Variants in DIAPH1 observed in about 807,000 individuals in gnomAD.
DIAPH1 encodes the protein protein diaphanous homolog 1.
Under a neutral mutation model 140.7 loss-of-function variants are expected in DIAPH1, and 46 were observed. The observed-to-expected ratio is 0.33, with a 90% confidence interval of 0.26 to 0.42. The LOEUF is 0.42. DIAPH1 is among the 10% of genes least tolerant of loss of function. The pLI is 1.00. For missense variants in DIAPH1, 1,310 were observed against 1,558.7 expected (o/e 0.84, Z 2.69); for synonymous variants, 565 against 551.6 (o/e 1.02, Z -0.34).
At chr5:141,533,639 G>A (rs755392140) in intron 19 of DIAPH1, among the ~76,000 whole-genome samples, 22 of 152,232 alleles carry the variant, frequency 1.4e-4, no homozygotes, top group Non-Finnish European at 2.5e-4. Flanking sequence ...TTGAGGCCAG[G>A]AGCTTAAGAC....
chr5:141,575,505 C>T (rs752311802), intron 14 of DIAPH1, among the ~76,000 whole-genome samples: 5 of 151,952 alleles, frequency 3.3e-5, no homozygotes, highest in African/African-American at 9.7e-5. Flanking sequence ...AAAAATTAGC[C>T]GGGCATGGTG....
At chr5:141,571,576 T>C in intron 17 of DIAPH1, 140 bp from the exon 18 acceptor site, 1 of 749,964 alleles carries the variant, frequency 1.3e-6, no homozygotes, top group Non-Finnish European at 2.2e-6. Context: ...TTCCAACCCT[T>C]ATTAATTATG....
At chr5:141,595,951 A>T (rs2099899249) in intron 1 of DIAPH1, among the ~76,000 whole-genome samples, 1 of 152,214 alleles carries the variant, frequency 6.6e-6, no homozygotes, top group African/African-American at 2.4e-5. Context: ...TGGGAGGCTG[A>T]GGCAGGTAGA....
At position 141,516,983 on chromosome 5, in the gene DIAPH1, G is replaced by T; in HGVS notation, c.3687C>A (p.Val1229=). The T allele has an allele frequency of 1.2e-6, 2 of 1,614,236 alleles. No individual in the cohort carries two copies. The highest frequency in any genetic ancestry group is 2.2e-5 in the South Asian group (2 of 91,074). ...RQANRKAGCA[V]TSLLASELTK... ...TCAGCTCCGAAGCTAGCAGAGATGT[G>T]ACTGCACACCCGGCCTTCCTGTTGG... is the stretch of plus-strand genomic sequence containing the variant. Residue 1229 remains valine (V), a synonymous_variant, in exon 28 of 28, where the codon GTC becomes GTA. Coordinates refer to ENST00000389054, the MANE Select transcript of DIAPH1 (RefSeq NM_005219.5).
In DIAPH1 at chr5:141,588,137, A is replaced by G. The variant is rs373158991; in HGVS notation, c.144+87T>C. On this transcript the variant is annotated intron_variant, in intron 2 of 27. Transcript: ENST00000389054. The stretch of plus-strand genomic sequence containing the variant: ...AGAAGCCATATCACCACTATAAGTT[A>G]CAGAAAGTCAAAGTTATGAAAACTG... The G allele has an allele frequency of 1.0e-3, 1,118 of 1,105,282 alleles. 9 individuals are homozygous for G. The highest frequency in any genetic ancestry group is 2.2e-4 in the Non-Finnish European group (159 of 720,812). The allele number at this position is 1,105,282 out of a possible 1,614,324, so 68.5% of individuals were successfully genotyped here. A position where few individuals can be genotyped will look rare whatever the true frequency, so the allele number is the denominator to read the frequency against.
At chr5:141,611,101 AAAAAGAAAAG>A (rs558835627) in intron 1 of DIAPH1, among the ~76,000 whole-genome samples, 2 of 151,858 alleles carry the variant, frequency 1.3e-5, no homozygotes, top group Admixed American at 1.3e-4. Context: ...AAAAAAAGAA[AAAAAGAAAAG>A]AAAAGAAAAG....
intron 1 of DIAPH1, among the ~76,000 whole-genome samples, chr5:141,598,380 G>T (rs1428145713): frequency 6.6e-6 from 1 of 152,170 alleles, no homozygotes; most frequent in Non-Finnish European, 1.5e-5. Context: ...AGAATTGCAT[G>T]TATTAAAATG....
intron 1 of DIAPH1, among the ~76,000 whole-genome samples, chr5:141,592,811 A>G (rs2099898704): frequency 6.6e-6 from 1 of 152,234 alleles, no homozygotes; most frequent in Non-Finnish European, 1.5e-5. Context: ...TGAAGGAAGC[A>G]TAAATACAGA....
In DIAPH1 at chr5:141,515,178, G is replaced by GAT. The variant is rs2099885489; in HGVS notation, c.*1672_*1673insAT. 3 of 152,376 alleles carry GAT rather than the reference G, an allele frequency of 2.0e-5. No individual in the cohort carries two copies. Among genetic ancestry groups the GAT allele is most frequent in the Admixed American group, 6.6e-5 (1 of 15,262 alleles). 9.4% of individuals were successfully genotyped at this position (152,376 alleles called of 1,614,324 possible). A position where few individuals can be genotyped will look rare whatever the true frequency, so the allele number is the denominator to read the frequency against. ...TTTTATTAAATGCATCTTAGCAAAA[G>GAT]TAGATTAAAAAAGAAAGGGTCAAAG... On this transcript the variant is annotated 3_prime_UTR_variant, in exon 28 of 28. Transcript: ENST00000389054.
chr5:141,616,837 C>A (rs1180532245), intron 1 of DIAPH1, among the ~76,000 whole-genome samples: 2 of 152,200 alleles, frequency 1.3e-5, no homozygotes, highest in African/African-American at 4.8e-5. Context: ...TCAGCTCCAT[C>A]CTCTCTAAAG....
intron 18 of DIAPH1, among the ~76,000 whole-genome samples, chr5:141,557,057 A>G (rs959741775): frequency 6.6e-5 from 10 of 152,260 alleles, no homozygotes; most frequent in East Asian, 1.9e-4. Context: ...AAAAAAGAGC[A>G]TAAGAGAGAA....
At chr5:141,618,695 G>A (rs1750744585) in intron 1 of DIAPH1, 103 bp downstream of exon 1, 4 of 734,470 alleles carry the variant, frequency 5.4e-6, no homozygotes, top group Admixed American at 2.5e-5. Flanking sequence ...AGGAAGGCGC[G>A]GGGGCGGCTC....
chr5:141,533,555 A>G (rs2154595102), intron 19 of DIAPH1, among the ~76,000 whole-genome samples: 1 of 152,342 alleles, frequency 6.6e-6, no homozygotes, highest in East Asian at 1.9e-4. Flanking sequence ...TTTACTTATC[A>G]GAAAGTGAAA....
At chr5:141,559,616 A>C (rs2099893204) in intron 18 of DIAPH1, among the ~76,000 whole-genome samples, 1 of 152,234 alleles carries the variant, frequency 6.6e-6, no homozygotes, top group East Asian at 1.9e-4. Context: ...TTGGTCTTTC[A>C]GATAATATAG....
Position 141,618,778 on chromosome 5 carries a change from G to T in DIAPH1, c.117+20C>A. ...GGCGGTTACGGGGCCAGGCAGGAGC[G>T]GGATGGGAGGGACACTCACAAATTT... On this transcript the variant is annotated intron_variant, in intron 1 of 27. Coordinates refer to ENST00000389054, the MANE Select transcript of DIAPH1 (RefSeq NM_005219.5). 6.6e-7 allele frequency: 1 copy of T among 1,518,528 alleles called. No homozygotes were observed. Among genetic ancestry groups the T allele is most frequent in the Non-Finnish European group, 9.0e-7 (1 of 1,116,688 alleles). 94.1% of individuals were successfully genotyped at this position (1,518,528 alleles called of 1,614,324 possible).
chr5:141,574,872 T>C, intron 15 of DIAPH1, 95 bp downstream of exon 15: 1 of 1,391,810 alleles, frequency 7.2e-7, no homozygotes, highest in Non-Finnish European at 1.0e-6. Context: ...TATTAGTAGC[T>C]GAACCCTCCC....
At chr5:141,596,477 A>G (rs1294815687) in intron 1 of DIAPH1, among the ~76,000 whole-genome samples, 1 of 152,138 alleles carries the variant, frequency 6.6e-6, no homozygotes, top group Non-Finnish European at 1.5e-5. Context: ...AGAGCAAGAC[A>G]ATCTCAAAAT....
At chr5:141,574,399 T>A (rs927418328) in intron 15 of DIAPH1, among the ~76,000 whole-genome samples, 191 bp from the exon 16 acceptor site, 2 of 152,182 alleles carry the variant, frequency 1.3e-5, no homozygotes, top group Non-Finnish European at 1.5e-5. Context: ...GAATTCAGGT[T>A]TTCATGTTCT....
intron 18 of DIAPH1, among the ~76,000 whole-genome samples, chr5:141,540,347 A>T (rs2099889782): frequency 6.6e-6 from 1 of 151,728 alleles, no homozygotes; most frequent in Admixed American, 6.6e-5. Context: ...AAGTGGCACA[A>T]TCTCGGCTCA....
Sources: allele counts gnomAD v4.1 joint callset (sites outside exome capture counted in the v4.1 genomes callset), GRCh38; gene constraint gnomAD v4.1.1; transcripts MANE v1.5; gene names NCBI Gene and HGNC (gene_info 2026-07-23, HGNC 2026-07-21).